Variants in XYLB observed in about 807,000 individuals in gnomAD.
The protein encoded by XYLB is xylulokinase.
A neutral mutation model predicts 78.7 loss-of-function variants in XYLB; 62 were observed. That is an observed-to-expected ratio of 0.79 (90% CI 0.64 to 0.97). The LOEUF is 0.97. Among genes scored for constraint, XYLB ranks in the 50% least tolerant of loss-of-function variants. The pLI is 0.00. For missense variants in XYLB, 687 were observed against 676.8 expected (o/e 1.02, Z -0.17); for synonymous variants, 245 against 247.4 (o/e 0.99, Z 0.09).
At chr3:38,434,014 C>G in the XYLB span, among the ~76,000 whole-genome samples, 1 of 152,202 alleles carries the variant, frequency 6.6e-6, no homozygotes, top group Admixed American at 6.5e-5. Flanking sequence ...AACTTACAAT[C>G]ATGATAGAAG....
intron 15 of XYLB, 134 bp from the exon 16 acceptor site, chr3:38,395,371 C>T: frequency 1.3e-6 from 1 of 778,874 alleles, no homozygotes; most frequent in Non-Finnish European, 2.2e-6. Context: ...TGGATCTCTC[C>T]CGTAGTCCTG....
chr3:38,426,058 C>A (rs914031042), downstream of XYLB, among the ~76,000 whole-genome samples: 4 of 152,228 alleles, frequency 2.6e-5, no homozygotes, highest in Non-Finnish European at 4.4e-5. Flanking sequence ...GAGATGCTCT[C>A]AGTGTTTCAT....
intron 2 of XYLB, among the ~76,000 whole-genome samples, chr3:38,352,787 G>A (rs989573625): frequency 2.6e-5 from 4 of 152,018 alleles, no homozygotes; most frequent in African/African-American, 9.7e-5. Context: ...CCAGTTTGAG[G>A]GACAGAGCCA....
intron 2 of XYLB, among the ~76,000 whole-genome samples, chr3:38,353,459 A>C (rs1705475904): frequency 6.6e-6 from 1 of 151,728 alleles, no homozygotes; most frequent in South Asian, 2.1e-4. Flanking sequence ...GTGCGCCCCT[A>C]CCATGACCAG....
intron 15 of XYLB, among the ~76,000 whole-genome samples, chr3:38,392,714 G>A (rs1426921403): frequency 1.3e-5 from 2 of 151,984 alleles, no homozygotes; most frequent in Non-Finnish European, 2.9e-5. Context: ...TGATTTGTAG[G>A]ATTTTATTGT....
the XYLB span, among the ~76,000 whole-genome samples, chr3:38,445,304 C>T: frequency 6.6e-6 from 1 of 152,144 alleles, no homozygotes; most frequent in Non-Finnish European, 1.5e-5. Context: ...GATAGTTGAA[C>T]TCCCCCACGC....
the XYLB span, among the ~76,000 whole-genome samples, chr3:38,435,824 A>G: frequency 6.6e-6 from 1 of 152,230 alleles, no homozygotes; most frequent in Non-Finnish European, 1.5e-5. Flanking sequence ...TGGAAATTAA[A>G]CAACATGCTC....
rs13074160 is a variant in XYLB, at chr3:38,414,159, G to T, written c.*1146G>T. 64,170 of 152,006 alleles carry T rather than the reference G, an allele frequency of 0.42. 15,780 individuals carry two copies. The highest frequency in any genetic ancestry group is 0.56 in the Non-Finnish European group (38,348 of 67,988). 9.4% of individuals were successfully genotyped at this position (152,006 alleles called of 1,614,324 possible). On this transcript the variant is annotated 3_prime_UTR_variant, in exon 19 of 19. Coordinates refer to ENST00000207870, the MANE Select transcript of XYLB (RefSeq NM_005108.4). The stretch of plus-strand genomic sequence containing the variant: ...CAGGACTCCAGCTAAATCAAAATAC[G>T]CATGTTCTCACCCAGAGTGACAAAA...
chr3:38,445,228 T>C, the XYLB span, among the ~76,000 whole-genome samples: 1 of 152,158 alleles, frequency 6.6e-6, no homozygotes, highest in African/African-American at 2.4e-5. Context: ...ATAGGAAGGA[T>C]ATAATTTCTG....
intron 18 of XYLB, among the ~76,000 whole-genome samples, chr3:38,405,428 C>T (rs998388057): frequency 6.6e-6 from 1 of 150,878 alleles, no homozygotes; most frequent in Admixed American, 6.6e-5. Flanking sequence ...AGGAACAGCT[C>T]GGGTCTACAG....
chr3:38,409,886 T>A (rs1021586776), intron 18 of XYLB, among the ~76,000 whole-genome samples: 8 of 151,798 alleles, frequency 5.3e-5, no homozygotes, highest in African/African-American at 1.5e-4. Context: ...ATAAAAGAGG[T>A]TACAAACAAA....
At chr3:38,385,023 CAG>C (rs1412324763) in intron 15 of XYLB, among the ~76,000 whole-genome samples, 2 of 152,048 alleles carry the variant, frequency 1.3e-5, no homozygotes, top group Admixed American at 6.6e-5. Context: ...TGTTTTGAGA[CAG>C]AGTCTCACTC....
downstream of XYLB, among the ~76,000 whole-genome samples, chr3:38,418,953 G>A (rs1364350630): frequency 3.3e-5 from 5 of 151,960 alleles, no homozygotes; most frequent in Admixed American, 6.6e-5. Flanking sequence ...AGTAGCATTA[G>A]GTATATTACC....
chr3:38,363,491 A>T (rs1435670976), intron 4 of XYLB, among the ~76,000 whole-genome samples: 1 of 152,068 alleles, frequency 6.6e-6, no homozygotes, highest in Non-Finnish European at 1.5e-5. Flanking sequence ...GCCTTTCCAG[A>T]TGTCATCCAA....
chr3:38,348,612 C>G lies in XYLB; in HGVS notation c.120C>G (p.Asp40Glu), dbSNP rs1705194515. The stretch of plus-strand genomic sequence containing the variant: ...TCTATGAGGAAAGTGTGCATTTTGA[C>G]AGAGATCTTCCAGAATTTGGGTATG... ...NVFYEESVHFDRDLPEFGTQG... is the reference protein window; with the variant it reads ...NVFYEESVHFERDLPEFGTQG... Residue 40 changes from aspartate (D) to glutamate (E), a missense_variant, in exon 2 of 19, where the codon GAC (aspartate) becomes GAG (glutamate). Transcript: ENST00000207870. 1.2e-6 allele frequency: 2 copies of G among 1,614,160 alleles called. No homozygotes were observed. The highest frequency in any genetic ancestry group is 1.7e-6 in the Non-Finnish European group (2 of 1,180,024).
intron 2 of XYLB, among the ~76,000 whole-genome samples, chr3:38,352,478 C>A (rs1705417667): frequency 6.6e-6 from 1 of 152,170 alleles, no homozygotes; most frequent in African/African-American, 2.4e-5. Flanking sequence ...GGAGGAAAAT[C>A]AGAATATTCA....
chr3:38,366,457 G>A (rs1167334591), intron 6 of XYLB, among the ~76,000 whole-genome samples: 4 of 152,194 alleles, frequency 2.6e-5, no homozygotes, highest in African/African-American at 9.7e-5. Flanking sequence ...ATTGTTTACT[G>A]CCTGAGTATT....
chr3:38,412,885 G>A, intron 18 of XYLB, 51 bp from the exon 19 acceptor site: 5 of 1,499,530 alleles, frequency 3.3e-6, no homozygotes, highest in Non-Finnish European at 4.6e-6. Flanking sequence ...GCAACCAGAT[G>A]TAAGAGGCAT....
chr3:38,392,478 G>T (rs999299169), intron 15 of XYLB, among the ~76,000 whole-genome samples: 2 of 152,028 alleles, frequency 1.3e-5, no homozygotes, highest in African/African-American at 4.8e-5. Context: ...TGTATTTTTA[G>T]TAGAGATGGG....
Sources: gnomAD v4.1 joint callset for allele counts (sites outside exome capture counted in the v4.1 genomes callset) on GRCh38, gnomAD v4.1.1 for gene constraint, MANE v1.5 for transcripts, NCBI Gene and HGNC (gene_info 2026-07-23, HGNC 2026-07-21) for gene names.